The following GUCY2C variants were observed in gnomAD, a reference collection of about 807,000 sequenced individuals.
The protein encoded by GUCY2C is guanylate cyclase 2C.
Under a neutral mutation model 131.1 loss-of-function variants are expected in GUCY2C, and 118 were observed. The ratio of observed to expected loss-of-function variants is 0.90; its 90% CI spans 0.78 to 1.05. The LOEUF (loss-of-function observed/expected upper bound fraction) is 1.05, where lower values mean the gene tolerates loss of function less well. Ranked by LOEUF, GUCY2C falls within the 50% of genes least tolerant of loss-of-function variation. The pLI, the probability that GUCY2C is intolerant of heterozygous loss-of-function variation, is 0.00. For synonymous variants in GUCY2C, 452 were observed against 457.8 expected (o/e 0.99, Z 0.16); for missense variants, 1,161 against 1,304.4 (o/e 0.89, Z 1.69).
intron 6 of GUCY2C, among the ~76,000 whole-genome samples, chr12:14,677,599 T>G (rs538436681): frequency 6.6e-6 from 1 of 152,126 alleles, no homozygotes; most frequent in Admixed American, 6.5e-5. Flanking sequence ...AGACAGAGTT[T>G]CACTCTCATT....
At chr12:14,627,493 T>C (rs1947047006) in intron 20 of GUCY2C, among the ~76,000 whole-genome samples, 1 of 152,176 alleles carries the variant, frequency 6.6e-6, no homozygotes, top group South Asian at 2.1e-4. Context: ...ATGAATTGAT[T>C]CAATTAAAAC....
intron 19 of GUCY2C, among the ~76,000 whole-genome samples, chr12:14,634,085 A>G (rs575340006): frequency 2.0e-5 from 3 of 152,206 alleles, no homozygotes; most frequent in Non-Finnish European, 4.4e-5. Flanking sequence ...TCCGTGGCAC[A>G]TTATAGTCAA....
chr12:14,660,076 T>C (rs577173338), intron 11 of GUCY2C, among the ~76,000 whole-genome samples: 1 of 152,340 alleles, frequency 6.6e-6, no homozygotes, highest in South Asian at 2.1e-4. Flanking sequence ...GTTGTCAGAT[T>C]GAAGAAAATA....
At chr12:14,614,340 ATATAG>A (rs1195084909) in intron 26 of GUCY2C, among the ~76,000 whole-genome samples, 2 of 152,204 alleles carry the variant, frequency 1.3e-5, no homozygotes, top group African/African-American at 2.4e-5. Context: ...CTTGTCTAAT[ATATAG>A]TATATTTTCT....
chr12:14,622,198 C>G lies in GUCY2C; in HGVS notation c.2409-1G>C. ...CTCCTTCAGAGACTTTACCACTAGCCTAGATGAACGAAGGGAAAAAAAATG... is the reference window on the plus strand; with the variant it reads ...CTCCTTCAGAGACTTTACCACTAGCGTAGATGAACGAAGGGAAAAAAAATG... On this transcript the variant is annotated splice_acceptor_variant, in intron 21 of 26. Transcript: ENST00000261170. LOFTEE classifies it high-confidence loss of function. The G allele has an allele frequency of 6.7e-7, 1 of 1,483,874 alleles. No homozygotes were observed. The highest frequency in any genetic ancestry group is 8.9e-7 in the Non-Finnish European group (1 of 1,119,840). 91.9% of individuals were successfully genotyped at this position (1,483,874 alleles called of 1,614,324 possible).
intron 10 of GUCY2C, among the ~76,000 whole-genome samples, chr12:14,662,783 A>C (rs1752424655): frequency 6.6e-6 from 1 of 152,146 alleles, no homozygotes; most frequent in Non-Finnish European, 1.5e-5. Flanking sequence ...TTATAGAATC[A>C]AGTTATAGGT....
At chr12:14,689,819 T>C (rs1217981534) in intron 1 of GUCY2C, among the ~76,000 whole-genome samples, 2 of 152,184 alleles carry the variant, frequency 1.3e-5, no homozygotes, top group Admixed American at 6.5e-5. Flanking sequence ...TTAGACCCTG[T>C]CTCTCCTGGA....
At chr12:14,629,096 G>A (rs980472600) in intron 19 of GUCY2C, among the ~76,000 whole-genome samples, 1 of 152,174 alleles carries the variant, frequency 6.6e-6, no homozygotes, top group African/African-American at 2.4e-5. Context: ...AGTACTGACT[G>A]AGTGGTTAAG....
intron 9 of GUCY2C, among the ~76,000 whole-genome samples, chr12:14,670,778 C>T (rs775455683): frequency 7.2e-5 from 11 of 151,824 alleles, no homozygotes; most frequent in Non-Finnish European, 1.3e-4. Flanking sequence ...CGAGGCCTCC[C>T]CAGCCTCGCT....
chr12:14,630,154 G>GT (rs1427777274), intron 19 of GUCY2C, among the ~76,000 whole-genome samples: 1 of 150,720 alleles, frequency 6.6e-6, no homozygotes, highest in African/African-American at 2.4e-5. Context: ...AATAAACTTT[G>GT]TTTTTCACTC....
chr12:14,639,150 T>C (rs1436207210), intron 19 of GUCY2C, among the ~76,000 whole-genome samples: 1 of 151,742 alleles, frequency 6.6e-6, no homozygotes, highest in African/African-American at 2.4e-5. Flanking sequence ...ATACAAAAAT[T>C]AGCTGGGTGT....
At chr12:14,657,642 G>A (rs1354840515) in intron 11 of GUCY2C, among the ~76,000 whole-genome samples, 2 of 152,070 alleles carry the variant, frequency 1.3e-5, no homozygotes, top group Non-Finnish European at 2.9e-5. Flanking sequence ...ACAGGACCGC[G>A]AACCCTATTG....
At chr12:14,650,294 T>C (rs1216501100) in intron 15 of GUCY2C, among the ~76,000 whole-genome samples, 1 of 152,162 alleles carries the variant, frequency 6.6e-6, no homozygotes, top group Non-Finnish European at 1.5e-5. Context: ...TGTTGCCAGG[T>C]TGGAGTGCAG....
chr12:14,688,506 T>C (rs1370322743), intron 1 of GUCY2C, among the ~76,000 whole-genome samples: 1 of 152,194 alleles, frequency 6.6e-6, no homozygotes, highest in Non-Finnish European at 1.5e-5. Flanking sequence ...AACATTATGA[T>C]AACCTGTTCT....
chr12:14,656,585 T>C lies in GUCY2C; in HGVS notation c.1397A>G (p.Lys466Arg), dbSNP rs1269624063. 1.5e-5 allele frequency: 24 copies of C among 1,595,388 alleles called. No individual in the cohort carries two copies. The highest frequency in any genetic ancestry group is 2.0e-5 in the Non-Finnish European group (23 of 1,162,946). Reference sequence around the variant, plus strand: ...TTCAGGAGGAATGTGGGACCATTTTTTCTGACGAAGTTCATAATCTTTTCT... The same window carrying C: ...TTCAGGAGGAATGTGGGACCATTTTCTCTGACGAAGTTCATAATCTTTTCT... ...KYRKDYELRQ[K>R]KWSHIPPENI... is the part of the protein sequence containing the mutation. The change falls in exon 12 of 27, where the codon AAA (lysine) becomes AGA (arginine). Residue 466 changes from lysine (K) to arginine (R), a missense_variant. Transcript: ENST00000261170.
chr12:14,688,464 T>C (rs901072475), intron 1 of GUCY2C, among the ~76,000 whole-genome samples: 1 of 152,190 alleles, frequency 6.6e-6, no homozygotes, highest in African/African-American at 2.4e-5. Context: ...GTCTCCTGTA[T>C]GGACTGGAGA....
Position 14,616,697 on chromosome 12 carries a change from AT to A in GUCY2C, c.2905del (p.Ile969Ter). ...GCACTCAGTTCTCTTCAGGATGGCTATGGTGGAGCCACTCACGTGAATTCTC... is the reference window on the plus strand; with the variant it reads ...GCACTCAGTTCTCTTCAGGATGGCTAGGTGGAGCCACTCACGTGAATTCTC... Reference protein sequence around the residue: ...PLRIHVSGSTIAILKRTECQF... With the variant: ...PLRIHVSGSTXAILKRTECQF... On this transcript the variant is annotated frameshift_variant, in exon 25 of 27. Coordinates refer to ENST00000261170, the MANE Select transcript of GUCY2C (RefSeq NM_004963.4). LOFTEE classifies it high-confidence loss of function. The A allele has an allele frequency of 6.2e-7, 1 of 1,606,916 alleles. No individual in the cohort carries two copies. Among genetic ancestry groups the A allele is most frequent in the Non-Finnish European group, 8.5e-7 (1 of 1,173,564 alleles).
intron 10 of GUCY2C, among the ~76,000 whole-genome samples, chr12:14,662,505 T>C (rs948182082): frequency 1.1e-4 from 17 of 151,790 alleles, no homozygotes; most frequent in African/African-American, 4.1e-4. Flanking sequence ...CAAAACCCCA[T>C]CTCTACTAAA....
In GUCY2C at chr12:14,641,235, T is replaced by A. The variant is rs1394753297; in HGVS notation, c.1931-16A>T. On this transcript the variant is annotated splice_polypyrimidine_tract_variant and intron_variant, in intron 17 of 26. Coordinates refer to ENST00000261170, the MANE Select transcript of GUCY2C (RefSeq NM_004963.4). ...GTCCACAGGTCTGTAAATGTAGACA[T>A]TGAGATTACAAAGTTGAGGGGGGTG... The A allele has an allele frequency of 6.2e-7, 1 of 1,612,152 alleles. No individual in the cohort carries two copies. Among genetic ancestry groups the A allele is most frequent in the South Asian group, 1.1e-5 (1 of 91,010 alleles).
Sources: allele counts gnomAD v4.1 joint callset (sites outside exome capture counted in the v4.1 genomes callset), GRCh38; gene constraint gnomAD v4.1.1; transcripts MANE v1.5; gene names NCBI Gene and HGNC (gene_info 2026-07-23, HGNC 2026-07-21).